Variants in TRIM5 observed in about 807,000 individuals in gnomAD.
TRIM5 encodes the protein tripartite motif containing 5.
A neutral mutation model predicts 35.6 loss-of-function variants in TRIM5; 31 were observed. That is an observed-to-expected ratio of 0.87 (90% confidence interval 0.65 to 1.18). TRIM5 has a LOEUF of 1.18. TRIM5 is among the 50% of genes most tolerant of loss of function. TRIM5 has a pLI of 0.00. For missense variants in TRIM5, 609 were observed against 591.6 expected (o/e 1.03, Z -0.31); for synonymous variants, 243 against 215.6 (o/e 1.13, Z -1.11).
At chr11:5,661,441 T>C (rs1396508408), downstream of TRIM5, among the ~76,000 whole-genome samples, 1 of 152,188 alleles carries the variant, frequency 6.6e-6, no homozygotes, top group African/African-American at 2.4e-5. Context: ...TGGTTTCTGC[T>C]TGAGGCCTGC....
chr11:5,623,177 A>T, the TRIM5 span, among the ~76,000 whole-genome samples: 1 of 146,952 alleles, frequency 6.8e-6, no homozygotes, highest in Non-Finnish European at 1.5e-5. Flanking sequence ...GGTTTGCCCT[A>T]ACCAGTTCTC....
chr11:5,658,703 G>C (rs1203623528), downstream of TRIM5, among the ~76,000 whole-genome samples: 1 of 152,192 alleles, frequency 6.6e-6, no homozygotes, highest in Non-Finnish European at 1.5e-5. Context: ...TTGTTAGAAA[G>C]AGTACAGTGT....
chr11:5,600,572 T>G, the TRIM5 span, among the ~76,000 whole-genome samples: 2 of 152,202 alleles, frequency 1.3e-5, no homozygotes, highest in Admixed American at 6.5e-5. Flanking sequence ...TCTCAGGCCC[T>G]TTCTTCTAAG....
chr11:5,620,389 G>A, the TRIM5 span, among the ~76,000 whole-genome samples: 8,314 of 151,468 alleles, frequency 0.055, 671 homozygotes, highest in African/African-American at 0.18. Context: ...ATGTTGGCCA[G>A]ATTGGTCTCG....
intron 4 of TRIM5, among the ~76,000 whole-genome samples, chr11:5,669,478 T>G (rs1413060429): frequency 6.6e-6 from 1 of 152,232 alleles, no homozygotes; most frequent in Non-Finnish European, 1.5e-5. Flanking sequence ...GTCTTTGGTC[T>G]CCTTTATGCC....
the TRIM5 span, among the ~76,000 whole-genome samples, chr11:5,597,811 C>T: frequency 6.6e-6 from 1 of 152,178 alleles, no homozygotes; most frequent in Non-Finnish European, 1.5e-5. Context: ...CTGTCCCCCT[C>T]CCTCTTCTAG....
the TRIM5 span, chr11:5,619,688 A>ATTTTTTTTTTTTTTTTTTTT: frequency 3.0e-5 from 2 of 66,010 alleles, no homozygotes; most frequent in Non-Finnish European, 5.4e-5. Flanking sequence ...CCTGTTTTAA[A>ATTTTTTTTTTTTTTTTTTTT]TTTTTTTTTT....
downstream of TRIM5, among the ~76,000 whole-genome samples, chr11:5,659,150 A>T (rs907677762): frequency 8.8e-5 from 13 of 147,134 alleles, no homozygotes; most frequent in East Asian, 4.8e-4. Flanking sequence ...TTAAAGTATA[A>T]AAAAAAAGAG....
chr11:5,604,739 A>T, the TRIM5 span: 1 of 1,189,924 alleles, frequency 8.4e-7, no homozygotes, highest in South Asian at 1.8e-5. Flanking sequence ...CATGACTAGA[A>T]GAGCTTCCCT....
chr11:5,629,614 A>G, the TRIM5 span, among the ~76,000 whole-genome samples: 2 of 152,154 alleles, frequency 1.3e-5, no homozygotes, highest in Non-Finnish European at 2.9e-5. Context: ...TGCCATTTGC[A>G]CTCATGCAGC....
chr11:5,608,656 A>G, the TRIM5 span, among the ~76,000 whole-genome samples: 12 of 151,762 alleles, frequency 7.9e-5, no homozygotes, highest in Non-Finnish European at 1.8e-4. Flanking sequence ...GCGCCACTGC[A>G]CTCCAGCCTG....
chr11:5,603,783 A>C, the TRIM5 span: 1 of 1,595,852 alleles, frequency 6.3e-7, no homozygotes, highest in Non-Finnish European at 8.5e-7. Flanking sequence ...GGTCTTTGGC[A>C]GGTTTTAACG....
chr11:5,681,091 CATGGTG>C (rs1852404376), intron 1 of TRIM5, among the ~76,000 whole-genome samples: 1 of 151,950 alleles, frequency 6.6e-6, no homozygotes, highest in Non-Finnish European at 1.5e-5. Context: ...AAGGTGTAGA[CATGGTG>C]TAGAGGGTGA....
chr11:5,643,319 T>A, the TRIM5 span: 1 of 1,614,056 alleles, frequency 6.2e-7, no homozygotes, highest in Non-Finnish European at 8.5e-7. Flanking sequence ...CCAAGAAAAC[T>A]GCCTGGATCC....
the TRIM5 span, chr11:5,605,318 T>G: frequency 6.2e-7 from 1 of 1,613,828 alleles, no homozygotes; most frequent in Non-Finnish European, 8.5e-7. Context: ...CAGCCTCTTT[T>G]TCTTCCCTGT....
chr11:5,632,993 ATT>A, the TRIM5 span, among the ~76,000 whole-genome samples: 99,194 of 122,034 alleles, frequency 0.81, 39,955 homozygotes, highest in East Asian at 0.97. Context: ...CGCCTGGCTA[ATT>A]TTTTTTTTTT....
intron 5 of TRIM5, 96 bp from the exon 6 acceptor site, chr11:5,666,177 T>C (rs961689455): frequency 8.9e-6 from 9 of 1,006,002 alleles, no homozygotes; most frequent in African/African-American, 8.2e-5. Context: ...ATTGAGGCAC[T>C]TGAACTCTCT....
At chr11:5,604,532 A>C in the TRIM5 span, 1 of 1,609,108 alleles carries the variant, frequency 6.2e-7, no homozygotes, top group Non-Finnish European at 8.5e-7. Context: ...GTTTTCTTCA[A>C]GGAGAAGTTT....
At chr11:5,594,093 C>G in the TRIM5 span, among the ~76,000 whole-genome samples, 1 of 152,068 alleles carries the variant, frequency 6.6e-6, no homozygotes, top group African/African-American at 2.4e-5. Flanking sequence ...GAGTAGATTC[C>G]TACGAGTGGA....
Sources: gnomAD v4.1 joint callset for allele counts (sites outside exome capture counted in the v4.1 genomes callset) on GRCh38, gnomAD v4.1.1 for gene constraint, MANE v1.5 for transcripts, NCBI Gene and HGNC (gene_info 2026-07-23, HGNC 2026-07-21) for gene names.